DNAH11: variants seen among roughly 807,000 people sequenced by gnomAD.
The protein encoded by DNAH11 is axonemal beta dynein heavy chain 11.
DNAH11 carries 442 observed loss-of-function variants against 526.0 expected under a neutral mutation model. That is an observed-to-expected ratio of 0.84 (90% CI 0.78 to 0.91). The LOEUF (loss-of-function observed/expected upper bound fraction) is 0.91. Among genes scored for constraint, DNAH11 ranks in the 40% least tolerant of loss-of-function variants. The pLI, the probability that DNAH11 is intolerant of heterozygous loss-of-function variation, is 0.00. For missense variants in DNAH11, 6,989 were observed against 5,448.7 expected (o/e 1.28, Z -8.90); for synonymous variants, 2,461 against 1,935.9 (o/e 1.27, Z -7.12).
intron 25 of DNAH11, among the ~76,000 whole-genome samples, chr7:21,633,912 A>G (rs1407283511): frequency 6.6e-6 from 1 of 152,234 alleles, no homozygotes; most frequent in Non-Finnish European, 1.5e-5. Context: ...ATTCAAAGGT[A>G]ATGTTAAGAC....
chr7:21,544,721 T>A (rs529748472), intron 1 of DNAH11, among the ~76,000 whole-genome samples: 1 of 152,296 alleles, frequency 6.6e-6, no homozygotes, highest in East Asian at 1.9e-4. Context: ...TGTTTTTAGT[T>A]ATAAGATTTT....
At chr7:21,818,083 A>G in intron 64 of DNAH11, 134 bp from the exon 65 acceptor site, 1 of 784,570 alleles carries the variant, frequency 1.3e-6, no homozygotes, top group Non-Finnish European at 2.0e-6. Context: ...GGGAACTACT[A>G]CTTTATAAAA....
intron 30 of DNAH11, among the ~76,000 whole-genome samples, chr7:21,670,000 T>A (rs1205930526): frequency 1.3e-5 from 2 of 152,186 alleles, no homozygotes; most frequent in African/African-American, 4.8e-5. Context: ...TTCCCCAAGA[T>A]TGTTTTGACT....
intron 61 of DNAH11, among the ~76,000 whole-genome samples, chr7:21,789,808 T>G (rs796537735): frequency 2.9e-5 from 1 of 34,084 alleles, no homozygotes; most frequent in Admixed American, 3.4e-4. Context: ...TTTCTTTCTT[T>G]TTTCTTTCTT....
chr7:21,791,842 T>C (rs1788491523), intron 61 of DNAH11, among the ~76,000 whole-genome samples: 1 of 152,162 alleles, frequency 6.6e-6, no homozygotes, highest in Non-Finnish European at 1.5e-5. Flanking sequence ...AATATATAGT[T>C]GGGAATGGTT....
chr7:21,884,676 C>T (rs80031360), intron 76 of DNAH11, among the ~76,000 whole-genome samples: 503 of 152,212 alleles, frequency 3.3e-3, no homozygotes, highest in Non-Finnish European at 5.4e-3. Flanking sequence ...ACTGACTCAT[C>T]GGCTCTTTAT....
chr7:21,869,262 A>G (rs1234618902), intron 73 of DNAH11, among the ~76,000 whole-genome samples: 2 of 152,206 alleles, frequency 1.3e-5, no homozygotes, highest in African/African-American at 4.8e-5. Flanking sequence ...ACTTAGAGAT[A>G]TCTGGAACAC....
intron 40 of DNAH11, among the ~76,000 whole-genome samples, chr7:21,709,057 C>A (rs928777083): frequency 2.6e-5 from 4 of 152,130 alleles, no homozygotes. Flanking sequence ...ACCGTTTGAC[C>A]CAGCAATCCC....
intron 55 of DNAH11, among the ~76,000 whole-genome samples, chr7:21,771,490 C>T (rs749001183): frequency 1.3e-5 from 2 of 152,120 alleles, no homozygotes; most frequent in Non-Finnish European, 2.9e-5. Flanking sequence ...TTTGTGTTGA[C>T]AGTGAGCCAA....
intron 25 of DNAH11, among the ~76,000 whole-genome samples, chr7:21,626,310 G>A (rs190742862): frequency 1.8e-4 from 28 of 152,158 alleles, no homozygotes; most frequent in Admixed American, 1.8e-3. Flanking sequence ...TAGTTTTATG[G>A]CTGAATAATA....
intron 36 of DNAH11, among the ~76,000 whole-genome samples, chr7:21,699,521 C>T (rs747814563): frequency 3.3e-5 from 5 of 152,056 alleles, no homozygotes; most frequent in Admixed American, 1.3e-4. Context: ...CTTACTGCCA[C>T]GTATTTATTT....
rs544963837 is a variant in DNAH11, at chr7:21,725,840, G to A, written c.7296G>A (p.Arg2432=). 2.5e-6 allele frequency: 4 copies of A among 1,611,960 alleles called. No homozygotes were observed. Among genetic ancestry groups the A allele is most frequent in the East Asian group, 4.5e-5 (2 of 44,864 alleles). ...CTGATTATCAAGCTGACTTCAGTCG[G>A]TGGTGGCAGAAAGAGATGAAAGCAG... ...QISDYQADFS[R]WWQKEMKAVK... Residue 2432 remains arginine (R), a synonymous_variant, in exon 45 of 82, where the codon CGG becomes CGA. Coordinates refer to ENST00000409508, the MANE Select transcript of DNAH11 (RefSeq NM_001277115.2).
intron 20 of DNAH11, among the ~76,000 whole-genome samples, chr7:21,610,941 T>C (rs139330475): frequency 7.9e-5 from 12 of 152,332 alleles, no homozygotes. Context: ...GTCTGCAAGA[T>C]AATAGCTAAG....
intron 65 of DNAH11, among the ~76,000 whole-genome samples, chr7:21,834,793 T>C (rs924050133): frequency 6.6e-6 from 1 of 152,118 alleles, no homozygotes; most frequent in Admixed American, 6.6e-5. Context: ...TGCAGTGAGC[T>C]ATGATCACAC....
chr7:21,609,277 A>C (rs571279513), intron 20 of DNAH11, among the ~76,000 whole-genome samples: 7 of 151,908 alleles, frequency 4.6e-5, no homozygotes, highest in Admixed American at 1.3e-4. Context: ...GTACAGTGGC[A>C]TGATCTCAGC....
chr7:21,823,983 T>C (rs1188289637), intron 65 of DNAH11, among the ~76,000 whole-genome samples: 2 of 152,168 alleles, frequency 1.3e-5, no homozygotes, highest in African/African-American at 4.8e-5. Context: ...GTTCAGGATA[T>C]GCAGTCTGCT....
chr7:21,777,502 C>T (rs1787729750), intron 56 of DNAH11, among the ~76,000 whole-genome samples: 1 of 152,034 alleles, frequency 6.6e-6, no homozygotes, highest in South Asian at 2.1e-4. Context: ...AAATTCTTTC[C>T]ATAATGGCTG....
intron 54 of DNAH11, among the ~76,000 whole-genome samples, chr7:21,758,138 A>G (rs1315607192): frequency 6.6e-6 from 1 of 152,240 alleles, no homozygotes; most frequent in Non-Finnish European, 1.5e-5. Flanking sequence ...CACTGGTTCC[A>G]GAGCTCTGTA....
chr7:21,737,702 A>G (rs978391479), intron 46 of DNAH11, among the ~76,000 whole-genome samples: 2 of 152,162 alleles, frequency 1.3e-5, no homozygotes, highest in African/African-American at 4.8e-5. Context: ...ACCAGGAGAG[A>G]GAGACTACTG....
Sources: allele counts gnomAD v4.1 joint callset (sites outside exome capture counted in the v4.1 genomes callset), GRCh38; gene constraint gnomAD v4.1.1; transcripts MANE v1.5; gene names NCBI Gene and HGNC (gene_info 2026-07-23, HGNC 2026-07-21).